The following ZC3H3 variants were observed in gnomAD, a reference collection of about 807,000 sequenced individuals.
The protein encoded by ZC3H3 is zinc finger CCCH-type containing 3.
Under a neutral mutation model 77.3 loss-of-function variants are expected in ZC3H3, and 36 were observed. The observed-to-expected ratio is 0.47, with a 90% CI of 0.36 to 0.61. The LOEUF (loss-of-function observed/expected upper bound fraction) is 0.61. Among genes scored for constraint, ZC3H3 ranks in the 20% least tolerant of loss-of-function variants. The pLI is 0.00. For synonymous variants in ZC3H3, 626 were observed against 555.2 expected, an observed-to-expected ratio of 1.13 and a Z score of -1.79; for missense variants, 1,331 against 1,312.2, an observed-to-expected ratio of 1.01 and a Z score of -0.22.
chr8:143,527,954 A>G (rs1275869379), intron 3 of ZC3H3, among the ~76,000 whole-genome samples: 3 of 152,096 alleles, frequency 2.0e-5, no homozygotes, highest in African/African-American at 7.2e-5. Flanking sequence ...CGCCCACACC[A>G]CGCCTGGGGG....
chr8:143,519,443 G>A (rs150860384), intron 3 of ZC3H3, among the ~76,000 whole-genome samples: 1 of 152,292 alleles, frequency 6.6e-6, no homozygotes, highest in East Asian at 1.9e-4. Context: ...GAGCTCATGT[G>A]TCTTGAAAGC....
intron 3 of ZC3H3, among the ~76,000 whole-genome samples, chr8:143,528,998 T>C (rs1017259164): frequency 2.6e-5 from 4 of 152,286 alleles, no homozygotes; most frequent in African/African-American, 9.6e-5. Context: ...GGAATGCCCA[T>C]GGTGGCGGGG....
At chr8:143,502,251 C>A (rs145768259) in intron 4 of ZC3H3, among the ~76,000 whole-genome samples, 18 of 152,338 alleles carry the variant, frequency 1.2e-4, no homozygotes, top group African/African-American at 4.1e-4. Context: ...CCCCAGCCGA[C>A]GAAGACAGTG....
At chr8:143,488,848 A>G (rs1369109474) in intron 4 of ZC3H3, among the ~76,000 whole-genome samples, 1 of 152,270 alleles carries the variant, frequency 6.6e-6, no homozygotes, top group African/African-American at 2.4e-5. Flanking sequence ...TGAATCCATA[A>G]GAAACAAGCC....
chr8:143,465,892 C>A, intron 8 of ZC3H3, 44 bp from the exon 9 acceptor site: 1 of 1,589,720 alleles, frequency 6.3e-7, no homozygotes, highest in Non-Finnish European at 8.5e-7. Context: ...CAGCCACCCT[C>A]CAGGGCCCAG....
chr8:143,507,904 A>C lies in ZC3H3; in HGVS notation c.1562-5T>G. 6.3e-7 allele frequency: 1 copy of C among 1,580,122 alleles called. No individual in the cohort carries two copies. The highest frequency in any genetic ancestry group is 8.6e-7 in the Non-Finnish European group (1 of 1,158,384). Reference sequence around the variant, plus strand: ...GCACGGCATGCAGGCTGGACGCTGTAGAGAAAACCCAGGGCACAGACATGG... The same window carrying C: ...GCACGGCATGCAGGCTGGACGCTGTCGAGAAAACCCAGGGCACAGACATGG... On this transcript the variant is annotated splice_polypyrimidine_tract_variant and splice_region_variant and intron_variant, in intron 3 of 11. Coordinates refer to ENST00000262577, the MANE Select transcript of ZC3H3 (RefSeq NM_015117.3).
intron 4 of ZC3H3, among the ~76,000 whole-genome samples, chr8:143,503,121 C>T (rs1336271691): frequency 1.3e-5 from 2 of 152,202 alleles, no homozygotes; most frequent in African/African-American, 4.8e-5. Flanking sequence ...ATGGCCAGCA[C>T]ACCGCCAGCA....
At chr8:143,520,402 T>A (rs1245039285) in intron 3 of ZC3H3, among the ~76,000 whole-genome samples, 3 of 152,102 alleles carry the variant, frequency 2.0e-5, no homozygotes, top group Non-Finnish European at 4.4e-5. Context: ...CAGGAAAGCC[T>A]GGGGGTGGTG....
intron 4 of ZC3H3, among the ~76,000 whole-genome samples, chr8:143,496,788 A>G (rs1821363832): frequency 6.6e-6 from 1 of 152,264 alleles, no homozygotes. Context: ...TCAGGCCAAC[A>G]CTGCTGCACC....
At chr8:143,532,323 G>C (rs1822642353) in intron 3 of ZC3H3, among the ~76,000 whole-genome samples, 1 of 152,286 alleles carries the variant, frequency 6.6e-6, no homozygotes, top group Non-Finnish European at 1.5e-5. Flanking sequence ...TGCGGCGGGG[G>C]AGGGAGGCGG....
intron 9 of ZC3H3, among the ~76,000 whole-genome samples, chr8:143,453,307 T>C (rs554326928): frequency 1.2e-4 from 19 of 152,168 alleles, no homozygotes; most frequent in Admixed American, 1.1e-3. Context: ...CAGGCTAATC[T>C]CAAACTCTTG....
intron 4 of ZC3H3, among the ~76,000 whole-genome samples, chr8:143,507,289 A>G (rs1448945458): frequency 1.3e-5 from 2 of 152,244 alleles, no homozygotes; most frequent in Non-Finnish European, 2.9e-5. Context: ...AGCCAGCAGC[A>G]GGGCAAGGAG....
intron 3 of ZC3H3, among the ~76,000 whole-genome samples, chr8:143,513,691 G>A (rs1196959976): frequency 3.3e-5 from 5 of 152,332 alleles, no homozygotes; most frequent in East Asian, 1.9e-4. Context: ...GGCAGCGTCC[G>A]CAGAACTGTC....
At chr8:143,484,071 G>A (rs906352293) in intron 4 of ZC3H3, among the ~76,000 whole-genome samples, 4 of 152,234 alleles carry the variant, frequency 2.6e-5, no homozygotes, top group African/African-American at 9.6e-5. Context: ...GAGCCATGCA[G>A]CCTTAGGGAC....
intron 3 of ZC3H3, among the ~76,000 whole-genome samples, chr8:143,513,312 G>A (rs1821930112): frequency 1.3e-5 from 2 of 152,128 alleles, no homozygotes; most frequent in South Asian, 2.1e-4. Flanking sequence ...GGCAAAGGCA[G>A]GGGAGCAGGG....
chr8:143,511,239 C>A (rs966201169), intron 3 of ZC3H3, among the ~76,000 whole-genome samples: 4 of 152,170 alleles, frequency 2.6e-5, no homozygotes, highest in Non-Finnish European at 4.4e-5. Context: ...CTGGGCCCGG[C>A]CATCAGGGGT....
chr8:143,444,542 G>T (rs1015366336), intron 9 of ZC3H3, among the ~76,000 whole-genome samples: 2 of 152,192 alleles, frequency 1.3e-5, no homozygotes, highest in Non-Finnish European at 2.9e-5. Flanking sequence ...TTTATCTCAG[G>T]AATGCAAGGT....
intron 10 of ZC3H3, 28 bp from the exon 11 acceptor site, chr8:143,440,391 G>A (rs747353872): frequency 3.3e-6 from 5 of 1,501,228 alleles, no homozygotes; most frequent in Non-Finnish European, 3.5e-6. Flanking sequence ...GCAGACGTGT[G>A]AGGTGGGGTG....
At chr8:143,507,266 A>G (rs1323071039) in intron 4 of ZC3H3, among the ~76,000 whole-genome samples, 1 of 152,108 alleles carries the variant, frequency 6.6e-6, no homozygotes, top group Non-Finnish European at 1.5e-5. Context: ...TGGGGGCCAG[A>G]ACACGGACAG....
Sources: allele counts gnomAD v4.1 joint callset (sites outside exome capture counted in the v4.1 genomes callset), GRCh38; gene constraint gnomAD v4.1.1; transcripts MANE v1.5; gene names NCBI Gene and HGNC (gene_info 2026-07-23, HGNC 2026-07-21).